The following RAB11FIP4 variants were observed in gnomAD, a reference collection of about 807,000 sequenced individuals.
RAB11FIP4 encodes the protein rab11 family-interacting protein 4.
RAB11FIP4 carries 23 observed loss-of-function variants against 74.3 expected under a neutral mutation model. The ratio of observed to expected loss-of-function variants is 0.31; its 90% CI spans 0.22 to 0.44. The LOEUF (loss-of-function observed/expected upper bound fraction) is 0.44. Ranked by LOEUF, RAB11FIP4 falls within the 20% of genes least tolerant of loss-of-function variation. The probability of loss-of-function intolerance (pLI) is 1.00; values close to 1 mark genes in which losing one functional copy is unlikely to be tolerated. For missense variants in RAB11FIP4, 630 were observed against 863.9 expected, an observed-to-expected ratio of 0.73 and a Z score of 3.39; for synonymous variants, 360 against 359.9, an observed-to-expected ratio of 1.00 and a Z score of 0.00.
At chr17:31,444,844 A>C (rs1361074741) in intron 3 of RAB11FIP4, among the ~76,000 whole-genome samples, 1 of 152,134 alleles carries the variant, frequency 6.6e-6, no homozygotes, top group Admixed American at 6.6e-5. Context: ...CCCTGATTAC[A>C]TAGACTTTGA....
intron 1 of RAB11FIP4, among the ~76,000 whole-genome samples, chr17:31,423,686 A>G (rs758234052): frequency 1.3e-5 from 2 of 152,122 alleles, no homozygotes; most frequent in Non-Finnish European, 2.9e-5. Context: ...CAGTCTGTTC[A>G]GTCTACACTG....
At chr17:31,450,543 C>T (rs1005395729) in intron 3 of RAB11FIP4, among the ~76,000 whole-genome samples, 6 of 151,852 alleles carry the variant, frequency 4.0e-5, no homozygotes, top group African/African-American at 1.5e-4. Context: ...TGGGGTTTCA[C>T]CATGTTGCCC....
chr17:31,500,284 C>T (rs867431974), intron 3 of RAB11FIP4, among the ~76,000 whole-genome samples: 2 of 152,130 alleles, frequency 1.3e-5, no homozygotes, highest in Middle Eastern at 3.4e-3. Context: ...GGGTGGGGCT[C>T]GGGTTTGGGC....
intron 3 of RAB11FIP4, among the ~76,000 whole-genome samples, chr17:31,476,998 C>T (rs1301028210): frequency 6.6e-6 from 1 of 152,222 alleles, no homozygotes; most frequent in Non-Finnish European, 1.5e-5. Flanking sequence ...TGGGCAGGCC[C>T]CAGGGAGCCG....
At chr17:31,474,070 A>C (rs1324119107) in intron 3 of RAB11FIP4, among the ~76,000 whole-genome samples, 2 of 152,204 alleles carry the variant, frequency 1.3e-5, no homozygotes, top group African/African-American at 4.8e-5. Flanking sequence ...CCCGGGGATC[A>C]GCTGAGGCTC....
chr17:31,405,897 G>C (rs1267060233), intron 1 of RAB11FIP4, among the ~76,000 whole-genome samples: 1 of 152,084 alleles, frequency 6.6e-6, no homozygotes, highest in Non-Finnish European at 1.5e-5. Context: ...GCCTGAATCT[G>C]TTCTAGAGAT....
At chr17:31,423,661 A>G (rs541726858) in intron 1 of RAB11FIP4, among the ~76,000 whole-genome samples, 5 of 151,752 alleles carry the variant, frequency 3.3e-5, no homozygotes, top group African/African-American at 1.2e-4. Flanking sequence ...CCCCAAGTAT[A>G]CATACTCCAG....
chr17:31,392,164 C>G (rs942384324), intron 1 of RAB11FIP4, 153 bp downstream of exon 1: 51 of 571,124 alleles, frequency 8.9e-5, no homozygotes, highest in Middle Eastern at 5.5e-4. Context: ...CTCGGCCCCC[C>G]CCGGGTATCC....
intron 3 of RAB11FIP4, chr17:31,488,336 G>A: frequency 2.7e-6 from 3 of 1,128,148 alleles, no homozygotes; most frequent in Non-Finnish European, 2.2e-6. Flanking sequence ...GCTCGGCCCG[G>A]CCCGCGGCCC....
intron 3 of RAB11FIP4, among the ~76,000 whole-genome samples, chr17:31,505,455 T>A (rs6505250): frequency 0.034 from 2,858 of 84,604 alleles, 246 homozygotes; most frequent in African/African-American, 0.12. Context: ...ATATAATAAT[T>A]ATTATAACAT....
At chr17:31,407,034 C>G (rs915467159) in intron 1 of RAB11FIP4, among the ~76,000 whole-genome samples, 1 of 113,894 alleles carries the variant, frequency 8.8e-6, no homozygotes, top group Non-Finnish European at 1.9e-5. Context: ...TTTTTTGTTT[C>G]ACTTGATTTT....
chr17:31,391,953 G>A lies in RAB11FIP4; in HGVS notation c.101G>A (p.Gly34Asp). The A allele has an allele frequency of 2.2e-6, 3 of 1,385,096 alleles. No homozygotes were observed. The highest frequency in any genetic ancestry group is 3.2e-5 in the South Asian group (2 of 62,666). 85.8% of individuals were successfully genotyped at this position (1,385,096 alleles called of 1,614,324 possible). Residue 34 changes from glycine (G) to aspartate (D), a missense_variant, in exon 1 of 15, where the codon GGC (glycine) becomes GAC (aspartate). By Grantham distance (94) the Gly-to-Asp change is moderately conservative. Transcript: ENST00000621161. ...VFEVCGRDPD[G>D]FLRVERVAAL... ...GAGGTGTGCGGCCGCGACCCCGACG[G>A]CTTCCTGCGCGTGGAGCGCGTCGCG... is the stretch of plus-strand genomic sequence containing the variant.
At chr17:31,487,945 G>C in intron 3 of RAB11FIP4, 2 of 703,680 alleles carry the variant, frequency 2.8e-6, no homozygotes, top group Non-Finnish European at 3.5e-6. Flanking sequence ...TTCCGGGGCC[G>C]CGTCCCTGTC....
intron 3 of RAB11FIP4, among the ~76,000 whole-genome samples, chr17:31,485,949 G>A (rs937133597): frequency 6.6e-6 from 1 of 152,058 alleles, no homozygotes; most frequent in Non-Finnish European, 1.5e-5. Flanking sequence ...AATAGAGACA[G>A]GGTCAGCCAG....
At chr17:31,403,892 G>A (rs2071018779) in intron 1 of RAB11FIP4, among the ~76,000 whole-genome samples, 1 of 152,138 alleles carries the variant, frequency 6.6e-6, no homozygotes, top group Non-Finnish European at 1.5e-5. Context: ...GGGACTTTGA[G>A]CCTGGGGTGG....
chr17:31,517,307 A>G (rs2072575989), intron 3 of RAB11FIP4, among the ~76,000 whole-genome samples: 1 of 151,510 alleles, frequency 6.6e-6, no homozygotes, highest in South Asian at 2.1e-4. Flanking sequence ...AGTGTGAATC[A>G]GCCTTATGTT....
chr17:31,426,814 A>C (rs571000098), intron 1 of RAB11FIP4, among the ~76,000 whole-genome samples: 13 of 151,858 alleles, frequency 8.6e-5, no homozygotes, highest in Admixed American at 3.3e-4. Flanking sequence ...GTTGGCCAGG[A>C]TGGTCTCAAT....
chr17:31,487,750 T>C (rs942847599), intron 3 of RAB11FIP4, among the ~76,000 whole-genome samples: 19 of 152,026 alleles, frequency 1.2e-4, no homozygotes, highest in Non-Finnish European at 4.4e-5. Flanking sequence ...AGCGCCTACC[T>C]GGCAGGGGCG....
chr17:31,466,001 G>A (rs1164444754), intron 3 of RAB11FIP4, among the ~76,000 whole-genome samples: 2 of 115,708 alleles, frequency 1.7e-5, no homozygotes, highest in African/African-American at 2.8e-5. Flanking sequence ...AAATCAGCCG[G>A]GTGTGGTAGC....
Sources: gnomAD v4.1 joint callset for allele counts (sites outside exome capture counted in the v4.1 genomes callset) on GRCh38, gnomAD v4.1.1 for gene constraint, MANE v1.5 for transcripts, NCBI Gene and HGNC (gene_info 2026-07-23, HGNC 2026-07-21) for gene names.